KRTAP5-7: variants seen among roughly 807,000 people sequenced by gnomAD.
KRTAP5-7 encodes keratin associated protein 5-7.
KRTAP5-7 carries 1 observed loss-of-function variant against 2.4 expected under a neutral mutation model. The observed-to-expected ratio is 0.42, with a 90% CI of 0.15 to 2.01. The LOEUF (loss-of-function observed/expected upper bound fraction) is 2.01, where lower values mean the gene tolerates loss of function less well. Ranked by LOEUF, KRTAP5-7 falls within the 30% of genes most tolerant of loss-of-function variation. The pLI, the probability that KRTAP5-7 is intolerant of heterozygous loss-of-function variation, is 0.29. For synonymous variants in KRTAP5-7, 55 were observed against 80.8 expected (o/e 0.68, Z 1.71); for missense variants, 161 against 200.8 (o/e 0.80, Z 1.20).
rs199640461 is a variant in KRTAP5-7, at chr11:71,527,314, G to T, written c.14G>T (p.Gly5Val). The change falls in exon 1 of 1, where the codon GGC (glycine) becomes GTC (valine). Residue 5 changes from glycine (G) to valine (V), a missense_variant. Around this residue, in one of 4 missense-constraint regions of KRTAP5-7, gnomAD observed 116 missense variants for 113.7 expected, o/e 1.02. Coordinates refer to ENST00000398536, the MANE Select transcript of KRTAP5-7 (RefSeq NM_001012503.2). ...TCCACCAGAACCATGGGCTGCTGTG[G>T]CTGTTCCGAAGGCTGTGGCTCCGGC... MGCC[G>V]CSEGCGSGCG... is the part of the protein sequence containing the mutation. The T allele has an allele frequency of 1.0e-4, 161 of 1,613,446 alleles. No homozygotes were observed. In the Middle Eastern group the frequency reaches 1.5e-3, roughly 15 times the overall value.
chr11:71,528,645 T>A lies in KRTAP5-7; in HGVS notation c.*847T>A, dbSNP rs1950006808. 1 of 166,816 alleles carries A rather than the reference T, an allele frequency of 6.0e-6. No individual in the cohort carries two copies. Among genetic ancestry groups the A allele is most frequent in the Non-Finnish European group, 1.5e-5 (1 of 68,204 alleles). The allele number at this position is 166,816 out of a possible 1,614,324, so 10.3% of individuals were successfully genotyped here. A position where few individuals can be genotyped will look rare whatever the true frequency, so the allele number is the denominator to read the frequency against. ...TTGTTGTTACACAGCCTGTTGCCTC[T>A]GTAAATAAACACTCCTAGCACCAAG... On this transcript the variant is annotated 3_prime_UTR_variant, in exon 1 of 1. Coordinates refer to ENST00000398536, the MANE Select transcript of KRTAP5-7 (RefSeq NM_001012503.2).
chr11:71,527,954 C>T lies in KRTAP5-7; in HGVS notation c.*156C>T. 7.3e-7 allele frequency: 1 copy of T among 1,369,116 alleles called. No individual in the cohort carries two copies. The highest frequency in any genetic ancestry group is 1.0e-6 in the Non-Finnish European group (1 of 995,884). 84.8% of individuals were successfully genotyped at this position (1,369,116 alleles called of 1,614,324 possible). A position where few individuals can be genotyped will look rare whatever the true frequency, so the allele number is the denominator to read the frequency against. On this transcript the variant is annotated 3_prime_UTR_variant, in exon 1 of 1. Transcript: ENST00000398536. ...TGCCTTTTCCTAAGGAGAGTCCACC[C>T]TAATTAATGTCCATTCCCTCCTAAC...
rs1949996459 is a variant in KRTAP5-7, at chr11:71,527,398, C to T, written c.98C>T (p.Ser33Phe). Residue 33 changes from serine (S) to phenylalanine (F), a missense_variant, in exon 1 of 1, where the codon TCC (serine) becomes TTC (phenylalanine). Ser to Phe is a radical substitution (Grantham distance 155). This residue lies in a region of KRTAP5-7 where 116 missense variants were observed against 113.7 expected (regional missense o/e 1.02). Coordinates refer to ENST00000398536, the MANE Select transcript of KRTAP5-7 (RefSeq NM_001012503.2). ...GCGSGCGGCG[S>F]SCCVPVCCCK... ...GGCTCTGGCTGTGGGGGATGTGGCT[C>T]CAGCTGCTGTGTGCCCGTCTGCTGC... 2 of 1,611,534 alleles carry T rather than the reference C, an allele frequency of 1.2e-6. No individual in the cohort carries two copies. Among genetic ancestry groups the T allele is most frequent in the African/African-American group, 2.7e-5 (2 of 74,690 alleles).
Position 71,528,312 on chromosome 11 carries a change from G to T in KRTAP5-7, c.*514G>T. 4.9e-6 allele frequency: 1 copy of T among 206,042 alleles called. No homozygotes were observed. The highest frequency in any genetic ancestry group is 1.1e-5 in the Non-Finnish European group (1 of 91,418). 12.8% of individuals were successfully genotyped at this position (206,042 alleles called of 1,614,324 possible). A position where few individuals can be genotyped will look rare whatever the true frequency, so the allele number is the denominator to read the frequency against. ...CTATGGCTATGGCTATTGTTTTCTT[G>T]TTCTTGTTGTGTTTCGGACTGCGTG... On this transcript the variant is annotated 3_prime_UTR_variant, in exon 1 of 1. Coordinates refer to ENST00000398536, the MANE Select transcript of KRTAP5-7 (RefSeq NM_001012503.2).
At position 71,527,949 on chromosome 11, in the gene KRTAP5-7, C is replaced by T. The variant is rs1950003887; in HGVS notation, c.*151C>T. 7.1e-7 allele frequency: 1 copy of T among 1,405,144 alleles called. No homozygotes were observed. Among genetic ancestry groups the T allele is most frequent in the Admixed American group, 2.1e-5 (1 of 48,178 alleles). The allele number at this position is 1,405,144 out of a possible 1,614,324, so 87.0% of individuals were successfully genotyped here. Reference sequence around the variant, plus strand: ...CTGCCTGCCTTTTCCTAAGGAGAGTCCACCCTAATTAATGTCCATTCCCTC... The same window carrying T: ...CTGCCTGCCTTTTCCTAAGGAGAGTTCACCCTAATTAATGTCCATTCCCTC... On this transcript the variant is annotated 3_prime_UTR_variant, in exon 1 of 1. Transcript: ENST00000398536.
Position 71,527,774 on chromosome 11 carries a change from C to T in KRTAP5-7, c.474C>T (p.Pro158=), listed in dbSNP as rs745607540. Residue 158 remains proline (P), a synonymous_variant, in exon 1 of 1, where the codon CCC becomes CCT. Transcript: ENST00000398536. ...PCCSQSSCCV[P]VCCQCKI The stretch of plus-strand genomic sequence containing the variant: ...GCTCCCAGTCTAGCTGCTGTGTCCC[C>T]GTGTGCTGCCAGTGTAAGATCTGAG... The T allele has an allele frequency of 7.0e-6, 11 of 1,566,670 alleles. No individual in the cohort carries two copies. Among genetic ancestry groups the T allele is most frequent in the Admixed American group, 5.2e-5 (3 of 57,168 alleles).
rs1950004630 is a variant in KRTAP5-7 at position 71,528,105 on chromosome 11, G to A, written c.*307G>A. Reference sequence around the variant, plus strand: ...CTTGAAGTCCTGTCTTTTCCAGCTGGAGCAGCTGGGCATGAGTGTCCCACC... The same window carrying A: ...CTTGAAGTCCTGTCTTTTCCAGCTGAAGCAGCTGGGCATGAGTGTCCCACC... On this transcript the variant is annotated 3_prime_UTR_variant, in exon 1 of 1. Transcript: ENST00000398536. The A allele has an allele frequency of 2.0e-6, 1 of 506,910 alleles. No individual in the cohort carries two copies. The highest frequency in any genetic ancestry group is 1.9e-5 in the African/African-American group (1 of 51,740). 31.4% of individuals were successfully genotyped at this position (506,910 alleles called of 1,614,324 possible). A position where few individuals can be genotyped will look rare whatever the true frequency, so the allele number is the denominator to read the frequency against.
chr11:71,528,315 CTTG>C lies in KRTAP5-7; in HGVS notation c.*522_*524del, dbSNP rs753427282. On this transcript the variant is annotated 3_prime_UTR_variant, in exon 1 of 1. Coordinates refer to ENST00000398536, the MANE Select transcript of KRTAP5-7 (RefSeq NM_001012503.2). ...TGGCTATGGCTATTGTTTTCTTGTT[CTTG>C]TTGTGTTTCGGACTGCGTGGGTCTG... The C allele has an allele frequency of 1.9e-5, 4 of 205,564 alleles. No individual in the cohort carries two copies. Among genetic ancestry groups the C allele is most frequent in the Non-Finnish European group, 2.2e-5 (2 of 91,228 alleles). The allele number at this position is 205,564 out of a possible 1,614,324, so 12.7% of individuals were successfully genotyped here.
At position 71,527,755 on chromosome 11, in the gene KRTAP5-7, A is replaced by T. The variant is rs373397673; in HGVS notation, c.455A>T (p.Gln152Leu). ...QSSCCNPCCS[Q>L]SSCCVPVCCQ... ...AGTTGCTGCAATCCCTGCTGCTCCC[A>T]GTCTAGCTGCTGTGTCCCCGTGTGC... The change falls in exon 1 of 1, where the codon CAG (glutamine) becomes CTG (leucine). Residue 152 changes from glutamine to leucine, a missense_variant. Coordinates refer to ENST00000398536, the MANE Select transcript of KRTAP5-7 (RefSeq NM_001012503.2). 1 of 1,516,666 alleles carries T rather than the reference A, an allele frequency of 6.6e-7. No homozygotes were observed. Among genetic ancestry groups the T allele is most frequent in the Non-Finnish European group, 8.8e-7 (1 of 1,139,652 alleles). The allele number at this position is 1,516,666 out of a possible 1,614,324, so 94.0% of individuals were successfully genotyped here. A position where few individuals can be genotyped will look rare whatever the true frequency, so the allele number is the denominator to read the frequency against.
Position 71,527,369 on chromosome 11 carries a change from C to A in KRTAP5-7, c.69C>A (p.Gly23=), listed in dbSNP as rs536333110. The part of the protein sequence containing the change: ...GCGGCGSGCG[G]CGSGCGGCGS... Reference sequence around the variant, plus strand: ...GGGGCTGTGGCTCCGGCTGTGGGGGCTGTGGCTCTGGCTGTGGGGGATGTG... The same window carrying A: ...GGGGCTGTGGCTCCGGCTGTGGGGGATGTGGCTCTGGCTGTGGGGGATGTG... Residue 23 remains glycine (G), a synonymous_variant, in exon 1 of 1, where the codon GGC becomes GGA. Coordinates refer to ENST00000398536, the MANE Select transcript of KRTAP5-7 (RefSeq NM_001012503.2). 4.3e-6 allele frequency: 7 copies of A among 1,611,328 alleles called. No individual in the cohort carries two copies. Among genetic ancestry groups the A allele is most frequent in the Middle Eastern group, 3.7e-4 (2 of 5,478 alleles).
At position 71,528,085 on chromosome 11, in the gene KRTAP5-7, AGTCCT is replaced by A; in HGVS notation, c.*291_*295del. 1.8e-6 allele frequency: 1 copy of A among 564,446 alleles called. No homozygotes were observed. Among genetic ancestry groups the A allele is most frequent in the East Asian group, 3.5e-5 (1 of 28,858 alleles). The allele number at this position is 564,446 out of a possible 1,614,324, so 35.0% of individuals were successfully genotyped here. On this transcript the variant is annotated 3_prime_UTR_variant, in exon 1 of 1. Coordinates refer to ENST00000398536, the MANE Select transcript of KRTAP5-7 (RefSeq NM_001012503.2). ...GGCCTGAGCTCCTGAACCCACTTGAAGTCCTGTCTTTTCCAGCTGGAGCAGCTGGG... is the reference window on the plus strand; with the variant it reads ...GGCCTGAGCTCCTGAACCCACTTGAAGTCTTTTCCAGCTGGAGCAGCTGGG...
rs201011865 is a variant in KRTAP5-7, at chr11:71,527,499, T to C, written c.199T>C (p.Cys67Arg). The C allele has an allele frequency of 7.1e-4, 1,130 of 1,601,232 alleles. 2 individuals are homozygous for C. The highest frequency in any genetic ancestry group is 7.3e-4 in the Non-Finnish European group (859 of 1,173,240). Reference protein sequence around the residue: ...CGSCGGSKGGCGSCGGSKGGC... With the variant: ...CGSCGGSKGGRGSCGGSKGGC... ...CTCCTGTGGGGGCTCCAAGGGAGGCTGTGGCTCCTGTGGGGGCTCCAAGGG... is the reference window on the plus strand; with the variant it reads ...CTCCTGTGGGGGCTCCAAGGGAGGCCGTGGCTCCTGTGGGGGCTCCAAGGG... The change falls in exon 1 of 1, where the codon TGT becomes CGT. Residue 67 changes from cysteine to arginine, a missense_variant. By Grantham distance (180) the Cys-to-Arg change is radical (BLOSUM62 -3). Around this residue, in one of 4 missense-constraint regions of KRTAP5-7, gnomAD observed 116 missense variants for 113.7 expected, o/e 1.02. Transcript: ENST00000398536.
chr11:71,527,343 G>T lies in KRTAP5-7; in HGVS notation c.43G>T (p.Gly15Trp), dbSNP rs747062234. Reference protein sequence around the residue: ...GCSEGCGSGCGGCGSGCGGCG... With the variant: ...GCSEGCGSGCWGCGSGCGGCG... ...TTCCGAAGGCTGTGGCTCCGGCTGT[G>T]GGGGCTGTGGCTCCGGCTGTGGGGG... The change falls in exon 1 of 1, where the codon GGG (glycine) becomes TGG (tryptophan). Residue 15 changes from glycine (G) to tryptophan (W), a missense_variant. Physicochemically the swap from Gly to Trp is radical, Grantham distance 184. This residue lies in a region of KRTAP5-7 where 116 missense variants were observed against 113.7 expected (regional missense o/e 1.02). Transcript: ENST00000398536. 2 of 1,611,532 alleles carry T rather than the reference G, an allele frequency of 1.2e-6. No individual in the cohort carries two copies. Among genetic ancestry groups the T allele is most frequent in the African/African-American group, 2.7e-5 (2 of 74,854 alleles).
In KRTAP5-7 at chr11:71,527,640, T is replaced by G. The variant is rs1209090450; in HGVS notation, c.340T>G (p.Ser114Ala). Residue 114 changes from serine (S) to alanine (A), a missense_variant, in exon 1 of 1, where the codon TCC becomes GCC. Physicochemically the swap from Ser to Ala is moderately conservative, Grantham distance 99. Transcript: ENST00000398536. ...AGGCTGTGGGTCATCCTGCTGCCAG[T>G]CCAGCTGCTGTAAGCCCTGCTGCTG... ...SSGCGSSCCQ[S>A]SCCKPCCCQS... is the part of the protein sequence containing the mutation. 6.3e-7 allele frequency: 1 copy of G among 1,578,574 alleles called. No individual in the cohort carries two copies. Among genetic ancestry groups the G allele is most frequent in the Admixed American group, 1.7e-5 (1 of 57,482 alleles).
chr11:71,528,015 A>G lies in KRTAP5-7; in HGVS notation c.*217A>G. On this transcript the variant is annotated 3_prime_UTR_variant, in exon 1 of 1. Transcript: ENST00000398536. ...CCCAAGTCAACTGCAACTGCGGCTG[A>G]ATCACCCCTCACCCGCTAGCCTTGC... 1.1e-6 allele frequency: 1 copy of G among 933,564 alleles called. No individual in the cohort carries two copies. Among genetic ancestry groups the G allele is most frequent in the Non-Finnish European group, 1.6e-6 (1 of 626,474 alleles). 57.8% of individuals were successfully genotyped at this position (933,564 alleles called of 1,614,324 possible). A position where few individuals can be genotyped will look rare whatever the true frequency, so the allele number is the denominator to read the frequency against.
chr11:71,528,003 C>A lies in KRTAP5-7; in HGVS notation c.*205C>A. 9.6e-7 allele frequency: 1 copy of A among 1,037,012 alleles called. No individual in the cohort carries two copies. The highest frequency in any genetic ancestry group is 1.4e-6 in the Non-Finnish European group (1 of 719,042). The allele number at this position is 1,037,012 out of a possible 1,614,324, so 64.2% of individuals were successfully genotyped here. A position where few individuals can be genotyped will look rare whatever the true frequency, so the allele number is the denominator to read the frequency against. On this transcript the variant is annotated 3_prime_UTR_variant, in exon 1 of 1. Coordinates refer to ENST00000398536, the MANE Select transcript of KRTAP5-7 (RefSeq NM_001012503.2). The stretch of plus-strand genomic sequence containing the variant: ...ACAAATTCTCTTCCCAAGTCAACTG[C>A]AACTGCGGCTGAATCACCCCTCACC...
chr11:71,527,733 T>A lies in KRTAP5-7; in HGVS notation c.433T>A (p.Cys145Ser), dbSNP rs1475791086. 1.5e-6 allele frequency: 2 copies of A among 1,304,742 alleles called. No individual in the cohort carries two copies. Among genetic ancestry groups the A allele is most frequent in the Non-Finnish European group, 2.0e-6 (2 of 1,007,714 alleles). The allele number at this position is 1,304,742 out of a possible 1,614,324, so 80.8% of individuals were successfully genotyped here. A position where few individuals can be genotyped will look rare whatever the true frequency, so the allele number is the denominator to read the frequency against. The change falls in exon 1 of 1, where the codon TGC (cysteine) becomes AGC (serine). Residue 145 changes from cysteine (C) to serine (S), a missense_variant. Coordinates refer to ENST00000398536, the MANE Select transcript of KRTAP5-7 (RefSeq NM_001012503.2). The part of the protein sequence containing the change: ...GCGSSCCQSS[C>S]CNPCCSQSSC... Reference sequence around the variant, plus strand: ...TGGGTCATCCTGCTGCCAGTCCAGTTGCTGCAATCCCTGCTGCTCCCAGTC... The same window carrying A: ...TGGGTCATCCTGCTGCCAGTCCAGTAGCTGCAATCCCTGCTGCTCCCAGTC...
chr11:71,527,824 G>A lies in KRTAP5-7; in HGVS notation c.*26G>A, dbSNP rs1157878079. 1 of 1,613,974 alleles carries A rather than the reference G, an allele frequency of 6.2e-7. No individual in the cohort carries two copies. Among genetic ancestry groups the A allele is most frequent in the Non-Finnish European group, 8.5e-7 (1 of 1,179,896 alleles). On this transcript the variant is annotated 3_prime_UTR_variant, in exon 1 of 1. Transcript: ENST00000398536. ...GGCTCTGGACTCAGGTCTCATGTGA[G>A]TCCTGCTAACCCCATTTTCCGAAGC... is the stretch of plus-strand genomic sequence containing the variant.
In KRTAP5-7 at chr11:71,528,436, CT is replaced by C. The variant is rs1322534264; in HGVS notation, c.*639del. ...GCTGACCCCTCTTTTCTCAGAACCCCTCTCTTCCTAGGTCTTTCCAGCTATT... is the reference window on the plus strand; with the variant it reads ...GCTGACCCCTCTTTTCTCAGAACCCCCTCTTCCTAGGTCTTTCCAGCTATT... On this transcript the variant is annotated 3_prime_UTR_variant, in exon 1 of 1. Transcript: ENST00000398536. 5.7e-6 allele frequency: 1 copy of C among 175,854 alleles called. No homozygotes were observed. Among genetic ancestry groups the C allele is most frequent in the Non-Finnish European group, 1.4e-5 (1 of 73,324 alleles). The allele number at this position is 175,854 out of a possible 1,614,324, so 10.9% of individuals were successfully genotyped here. A position where few individuals can be genotyped will look rare whatever the true frequency, so the allele number is the denominator to read the frequency against.
Sources: gnomAD v4.1 joint callset for allele counts on GRCh38, gnomAD v4.1.1 for gene constraint, gnomAD v4.1.1 regional missense constraint, MANE v1.5 for transcripts, NCBI Gene and HGNC (gene_info 2026-07-23, HGNC 2026-07-21) for gene names.